Variants in CADM2 observed in about 807,000 individuals in gnomAD.
The protein encoded by CADM2 is immunoglobulin superfamily member 4D.
A neutral mutation model predicts 49.8 loss-of-function variants in CADM2; 12 were observed. The observed-to-expected ratio is 0.24, with a 90% CI of 0.15 to 0.39. CADM2 has a LOEUF of 0.39. CADM2 is among the 10% of genes least tolerant of loss of function. The pLI is 1.00. For synonymous variants in CADM2, 214 were observed against 175.4 expected (o/e 1.22, Z -1.74); for missense variants, 378 against 492.3 (o/e 0.77, Z 2.20).
intron 8 of CADM2, among the ~76,000 whole-genome samples, chr3:86,001,580 G>T (rs1463830222): frequency 6.6e-6 from 1 of 152,092 alleles, no homozygotes; most frequent in Non-Finnish European, 1.5e-5. Flanking sequence ...TCTTTCATCT[G>T]TAAAGGGGGA....
intron 1 of CADM2, among the ~76,000 whole-genome samples, chr3:85,674,642 T>C (rs986699208): frequency 3.3e-5 from 5 of 152,196 alleles, no homozygotes; most frequent in Admixed American, 6.5e-5. Context: ...TCATTTCTCA[T>C]ACTCTATGAC....
chr3:85,804,351 T>C (rs1433749343), intron 3 of CADM2, among the ~76,000 whole-genome samples: 1 of 152,172 alleles, frequency 6.6e-6, no homozygotes, highest in East Asian at 1.9e-4. Context: ...TTATAAATAC[T>C]ACTTTTTTCC....
Position 85,153,108 on chromosome 3 carries a change from C to A in CADM2, c.61+193440C>A, listed in dbSNP as rs568241509. ...CAAGATGGCCAAATAGGAACAGCTC[C>A]AGTCTCCAGCTCCCAGCGTGAGCGA... is the stretch of plus-strand genomic sequence containing the variant. On this transcript the variant is annotated intron_variant, in intron 1 of 9. Transcript: ENST00000383699. Among the ~76,000 whole-genome samples the A allele has an allele frequency of 1.4e-4, 21 of 152,296 alleles. No homozygotes were observed. The South Asian group carries it at 3.9e-3, about 29-fold the overall frequency.
At chr3:85,221,066 G>A (rs922405366) in intron 1 of CADM2, among the ~76,000 whole-genome samples, 3 of 152,084 alleles carry the variant, frequency 2.0e-5, no homozygotes, top group Non-Finnish European at 4.4e-5. Flanking sequence ...AATCGGATGA[G>A]GAAACCTCTA....
At chr3:84,991,746 T>A (rs2032903156) in intron 1 of CADM2, among the ~76,000 whole-genome samples, 1 of 152,166 alleles carries the variant, frequency 6.6e-6, no homozygotes, top group Non-Finnish European at 1.5e-5. Context: ...TTGGAAGTAA[T>A]CAAAATGTCT....
chr3:86,013,986 A>T, intron 8 of CADM2: 2 of 1,465,434 alleles, frequency 1.4e-6, no homozygotes. Context: ...TGCATTAGGA[A>T]CAATTGAAGA....
At chr3:85,277,723 T>A (rs1053659269) in intron 1 of CADM2, among the ~76,000 whole-genome samples, 2 of 151,372 alleles carry the variant, frequency 1.3e-5, no homozygotes, top group Admixed American at 6.6e-5. Flanking sequence ...TATCTGTGGT[T>A]AGGATTGGCT....
intron 1 of CADM2, among the ~76,000 whole-genome samples, chr3:85,331,684 G>A (rs1215998383): frequency 6.6e-6 from 1 of 151,954 alleles, no homozygotes; most frequent in African/African-American, 2.4e-5. Context: ...TATATTATTT[G>A]AGGAACCTCC....
chr3:85,756,488 A>G (rs1280972604), intron 2 of CADM2, among the ~76,000 whole-genome samples: 1 of 152,164 alleles, frequency 6.6e-6, no homozygotes, highest in East Asian at 1.9e-4. Context: ...TTTATTTGAC[A>G]TTGTCAGTTA....
chr3:85,927,870 A>T (rs1051274369), intron 6 of CADM2, among the ~76,000 whole-genome samples: 1 of 152,164 alleles, frequency 6.6e-6, no homozygotes, highest in African/African-American at 2.4e-5. Flanking sequence ...CATTTAACTC[A>T]AAGCTTCTTT....
intron 1 of CADM2, among the ~76,000 whole-genome samples, chr3:85,432,660 T>A (rs983821091): frequency 1.3e-5 from 2 of 152,178 alleles, no homozygotes; most frequent in African/African-American, 4.8e-5. Context: ...ATACAAATTC[T>A]AGACTCCAGT....
At chr3:85,758,934 G>A (rs1382143726) in intron 2 of CADM2, among the ~76,000 whole-genome samples, 2 of 151,916 alleles carry the variant, frequency 1.3e-5, no homozygotes, top group African/African-American at 4.8e-5. Context: ...GGTAAAGTGG[G>A]GGTGGGGACA....
chr3:85,906,561 A>G (rs1365816078), intron 5 of CADM2, among the ~76,000 whole-genome samples: 1 of 152,170 alleles, frequency 6.6e-6, no homozygotes, highest in Non-Finnish European at 1.5e-5. Context: ...GTTAAGAAAC[A>G]GGATTATGAC....
At chr3:85,957,210 T>C (rs1479928420) in intron 7 of CADM2, among the ~76,000 whole-genome samples, 1 of 151,770 alleles carries the variant, frequency 6.6e-6, no homozygotes, top group African/African-American at 2.4e-5. Context: ...AGTTAAAAGA[T>C]TTAGGATAAA....
intron 1 of CADM2, among the ~76,000 whole-genome samples, chr3:84,969,097 A>G (rs1380071568): frequency 6.6e-6 from 1 of 151,968 alleles, no homozygotes; most frequent in Non-Finnish European, 1.5e-5. Flanking sequence ...ATACTTTCTT[A>G]TATTACATGA....
intron 1 of CADM2, among the ~76,000 whole-genome samples, chr3:85,541,153 A>T (rs930914821): frequency 7.3e-5 from 11 of 150,754 alleles, no homozygotes; most frequent in Non-Finnish European, 1.2e-4. Context: ...ACATATATAC[A>T]TTTATATATT....
chr3:86,072,763 T>C lies in CADM2; in HGVS notation c.*5980T>C, dbSNP rs150225085. ...GATGTTTGAAGGCAGTGGTCACCAA[T>C]TGGTTAAAAAACTATGAAATGTAAA... is the stretch of plus-strand genomic sequence containing the variant. On this transcript the variant is annotated 3_prime_UTR_variant, in exon 10 of 10. Transcript: ENST00000383699. The C allele has an allele frequency of 1.7e-3, 263 of 152,214 alleles. No homozygotes were observed. Among genetic ancestry groups the C allele is most frequent in the African/African-American group, 6.0e-3 (248 of 41,558 alleles). The allele number at this position is 152,214 out of a possible 1,614,324, so 9.4% of individuals were successfully genotyped here.
At chr3:85,530,188 C>T (rs2061266896) in intron 1 of CADM2, among the ~76,000 whole-genome samples, 1 of 152,178 alleles carries the variant, frequency 6.6e-6, no homozygotes, top group East Asian at 1.9e-4. Flanking sequence ...CTTTTTCACA[C>T]ACTTGCTTGC....
chr3:84,977,975 T>G (rs912811315), intron 1 of CADM2, among the ~76,000 whole-genome samples: 1 of 152,134 alleles, frequency 6.6e-6, no homozygotes, highest in African/African-American at 2.4e-5. Flanking sequence ...TAAAGACTTT[T>G]GAAGGAGAAT....
Sources: allele counts gnomAD v4.1 joint callset (sites outside exome capture counted in the v4.1 genomes callset), GRCh38; gene constraint gnomAD v4.1.1; transcripts MANE v1.5; gene names NCBI Gene and HGNC (gene_info 2026-07-23, HGNC 2026-07-21).